Variants in RNF216 observed in about 807,000 individuals in gnomAD.
RNF216 encodes the protein E3 ubiquitin-protein ligase RNF216.
In RNF216, 72 loss-of-function variants were observed where a neutral mutation model predicts 110.8. The observed-to-expected ratio is 0.65, with a 90% CI of 0.54 to 0.79. The LOEUF is 0.79. Ranked by LOEUF, RNF216 falls within the 30% of genes least tolerant of loss-of-function variation. RNF216 has a pLI of 0.00. For missense variants in RNF216, 1,342 were observed against 1,141.2 expected (o/e 1.18, Z -2.54); for synonymous variants, 495 against 407.5 (o/e 1.21, Z -2.59).
intron 5 of RNF216, among the ~76,000 whole-genome samples, 158 bp from the exon 6 acceptor site, chr7:5,730,975 A>G (rs945312484): frequency 3.3e-5 from 5 of 152,240 alleles, no homozygotes; most frequent in Non-Finnish European, 5.9e-5. Flanking sequence ...CTAAACCAAT[A>G]AACAAACAAC....
At chr7:5,711,924 A>G (rs1420253381) in intron 12 of RNF216, 85 bp from the exon 13 acceptor site, 2 of 1,235,114 alleles carry the variant, frequency 1.6e-6, no homozygotes, top group African/African-American at 3.0e-5. Flanking sequence ...TCATATGAAG[A>G]TGGAGTTTTG....
chr7:5,780,708 G>A (rs1362815844), intron 1 of RNF216, among the ~76,000 whole-genome samples: 8 of 149,610 alleles, frequency 5.3e-5, no homozygotes, highest in Non-Finnish European at 7.4e-5. Flanking sequence ...CCGTCTCAAA[G>A]AAAAGGAGAA....
intron 5 of RNF216, among the ~76,000 whole-genome samples, chr7:5,734,365 C>A (rs1203536018): frequency 6.6e-6 from 1 of 151,944 alleles, no homozygotes; most frequent in South Asian, 2.1e-4. Flanking sequence ...ATAGACTATA[C>A]AAAATCTTTA....
At chr7:5,734,563 C>T (rs971529347) in intron 5 of RNF216, among the ~76,000 whole-genome samples, 3 of 150,630 alleles carry the variant, frequency 2.0e-5, no homozygotes, top group African/African-American at 7.5e-5. Flanking sequence ...TGTGGAAAGG[C>T]TTCAGAAGAG....
At chr7:5,742,514 A>G (rs1794813285) in intron 3 of RNF216, among the ~76,000 whole-genome samples, 1 of 145,712 alleles carries the variant, frequency 6.9e-6, no homozygotes, top group South Asian at 2.2e-4. Flanking sequence ...ACAAGACAGT[A>G]TTTTTTTCCC....
chr7:5,748,126 CACT>C (rs1795135536), intron 3 of RNF216, among the ~76,000 whole-genome samples: 1 of 152,160 alleles, frequency 6.6e-6, no homozygotes, highest in Non-Finnish European at 1.5e-5. Context: ...CCCAGAAACC[CACT>C]ACAACTCTTA....
Position 5,703,031 on chromosome 7 carries a change from C to G in RNF216, c.2061+8730G>C, listed in dbSNP as rs1455496803. Among the ~76,000 whole-genome samples the G allele has an allele frequency of 2.0e-5, 3 of 152,188 alleles. No individual in the cohort carries two copies. The East Asian group carries it at 5.8e-4, about 29-fold the overall frequency. ...TCTGCGGCCTGAACCTGAAGCTCTT[C>G]AGAGGGACCCATGCTGGGCTCTGAA... is the stretch of plus-strand genomic sequence containing the variant. On this transcript the variant is annotated intron_variant, in intron 13 of 16. Transcript: ENST00000389902.
At chr7:5,707,698 C>G (rs1322947087) in intron 13 of RNF216, among the ~76,000 whole-genome samples, 1 of 139,416 alleles carries the variant, frequency 7.2e-6, no homozygotes, top group African/African-American at 2.7e-5. Flanking sequence ...TAAAAAAAAG[C>G]TTTTCAGTGT....
intron 5 of RNF216, among the ~76,000 whole-genome samples, chr7:5,731,822 A>C (rs1021992026): frequency 4.8e-5 from 7 of 146,074 alleles, no homozygotes; most frequent in African/African-American, 1.7e-4. Context: ...GTAGAACAGG[A>C]GGTCTGGCAG....
At chr7:5,780,731 A>T (rs1797037068) in intron 1 of RNF216, among the ~76,000 whole-genome samples, 1 of 152,072 alleles carries the variant, frequency 6.6e-6, no homozygotes, top group African/African-American at 2.4e-5. Context: ...AAAAAAAAGT[A>T]AAAGAAAAAA....
chr7:5,751,291 G>A (rs543910032), intron 3 of RNF216, among the ~76,000 whole-genome samples: 29 of 152,200 alleles, frequency 1.9e-4, no homozygotes, highest in Non-Finnish European at 3.7e-4. Context: ...ACTGATGCCC[G>A]AAGGTTTGGT....
chr7:5,751,705 G>A (rs964656715), intron 3 of RNF216, among the ~76,000 whole-genome samples: 2 of 151,904 alleles, frequency 1.3e-5, no homozygotes, highest in Admixed American at 1.3e-4. Flanking sequence ...GCTCTCTTCA[G>A]CCCTTCTTTG....
At chr7:5,780,580 C>T (rs150262878) in intron 1 of RNF216, among the ~76,000 whole-genome samples, 1,819 of 152,076 alleles carry the variant, frequency 0.012, 60 homozygotes, top group African/African-American at 0.042. Flanking sequence ...GCCTGTAATC[C>T]CAGCTGAGGC....
At chr7:5,715,568 A>G (rs1294863984) in intron 10 of RNF216, among the ~76,000 whole-genome samples, 3 of 150,240 alleles carry the variant, frequency 2.0e-5, no homozygotes, top group African/African-American at 7.3e-5. Flanking sequence ...AAAACTTTCA[A>G]AAGTTGAATT....
At chr7:5,720,950 A>C (rs988075789) in intron 9 of RNF216, 83 bp downstream of exon 9, 10 of 1,341,268 alleles carry the variant, frequency 7.5e-6, no homozygotes, top group Non-Finnish European at 1.0e-5. Context: ...GGAAATCTTA[A>C]AAGACAGTTT....
At chr7:5,675,309 A>C (rs899930773) in intron 13 of RNF216, among the ~76,000 whole-genome samples, 1 of 152,186 alleles carries the variant, frequency 6.6e-6, no homozygotes, top group African/African-American at 2.4e-5. Context: ...CAGAGGGGAC[A>C]GGCTTTCCTG....
intron 14 of RNF216, among the ~76,000 whole-genome samples, chr7:5,651,632 C>T (rs1274523006): frequency 6.6e-6 from 1 of 151,126 alleles, no homozygotes. Flanking sequence ...TTCAGTATTA[C>T]TTCGGTCATT....
At chr7:5,689,988 C>T (rs1350297298) in intron 13 of RNF216, among the ~76,000 whole-genome samples, 2 of 151,592 alleles carry the variant, frequency 1.3e-5, no homozygotes, top group African/African-American at 4.8e-5. Context: ...GGTAACCCCC[C>T]TTATTTGCCG....
chr7:5,770,845 T>A (rs559963515), intron 1 of RNF216, among the ~76,000 whole-genome samples: 1 of 151,818 alleles, frequency 6.6e-6, no homozygotes, highest in African/African-American at 2.4e-5. Context: ...TCTTGCTCTG[T>A]CGCCCAGGCC....
Sources: gnomAD v4.1 joint callset for allele counts (sites outside exome capture counted in the v4.1 genomes callset) on GRCh38, gnomAD v4.1.1 for gene constraint, MANE v1.5 for transcripts, NCBI Gene and HGNC (gene_info 2026-07-23, HGNC 2026-07-21) for gene names.